The following RAB9A variants were observed in gnomAD, a reference collection of about 807,000 sequenced individuals.
RAB9A encodes ras-related protein Rab-9A.
RAB9A carries 1 observed loss-of-function variant against 10.3 expected under a neutral mutation model. The ratio of observed to expected loss-of-function variants is 0.10; its 90% CI spans 0.03 to 0.46. The LOEUF (loss-of-function observed/expected upper bound fraction) is 0.46. Among genes scored for constraint, RAB9A ranks in the 20% least tolerant of loss-of-function variants. The probability of loss-of-function intolerance (pLI) is 0.96; values close to 1 mark genes in which losing one functional copy is unlikely to be tolerated. For synonymous variants in RAB9A, 39 were observed against 55.2 expected (o/e 0.71, Z 1.30); for missense variants, 92 against 150.3 (o/e 0.61, Z 2.03).
At chrX:13,693,797 T>A (rs769198472) in intron 1 of RAB9A, among the ~76,000 whole-genome samples, 2 of 110,978 alleles carry the variant, frequency 1.8e-5, no homozygotes, top group African/African-American at 6.6e-5. Flanking sequence ...GGAAAAAAAA[T>A]GGAGAAGTGA....
intron 2 of RAB9A, among the ~76,000 whole-genome samples, chrX:13,706,755 T>C (rs1161608837): frequency 9.0e-6 from 1 of 110,850 alleles, no homozygotes; most frequent in Non-Finnish European, 1.9e-5. Flanking sequence ...TGTCCCATCA[T>C]TTTTTAATAG....
At chrX:13,700,891 C>A (rs2046170119) in intron 1 of RAB9A, among the ~76,000 whole-genome samples, 2 of 110,936 alleles carry the variant, frequency 1.8e-5, no homozygotes, top group Non-Finnish European at 1.9e-5. Flanking sequence ...TCTACCTCAG[C>A]CTTCTGAGTA....
At chrX:13,695,330 C>T (rs2046142809) in intron 1 of RAB9A, among the ~76,000 whole-genome samples, 1 of 112,184 alleles carries the variant, frequency 8.9e-6, no homozygotes, top group Non-Finnish European at 1.9e-5. Context: ...TAGACCTTTT[C>T]TGTCACTGGG....
Position 13,705,131 on chromosome X carries a change from A to G in RAB9A, c.-27+1229A>G, listed in dbSNP as rs190871319. Among the ~76,000 whole-genome samples the G allele has an allele frequency of 4.5e-5, 5 of 112,054 alleles. No homozygotes were observed. In the East Asian group the frequency reaches 1.4e-3, roughly 31 times the overall value. The stretch of plus-strand genomic sequence containing the variant: ...GGATTTTACTGTTTTTAAAGAAAAA[A>G]TAATATTTTTAATGTCCATAAGCTG... On this transcript the variant is annotated intron_variant, in intron 2 of 2. Coordinates refer to ENST00000464506, the MANE Select transcript of RAB9A (RefSeq NM_004251.5).
chrX:13,692,570 AATG>A (rs1279837295), intron 1 of RAB9A, among the ~76,000 whole-genome samples: 1 of 112,070 alleles, frequency 8.9e-6, no homozygotes, highest in African/African-American at 3.2e-5. Context: ...TCGAGAAAGA[AATG>A]ATGAATTTTT....
intron 1 of RAB9A, among the ~76,000 whole-genome samples, chrX:13,696,804 G>A (rs1023695238): frequency 8.9e-6 from 1 of 111,915 alleles, no homozygotes; most frequent in South Asian, 3.7e-4. Flanking sequence ...GTAGTGATGG[G>A]CAGAGTGAGG....
At chrX:13,697,626 A>T (rs2046153034) in intron 1 of RAB9A, among the ~76,000 whole-genome samples, 1 of 112,238 alleles carries the variant, frequency 8.9e-6, no homozygotes, top group Non-Finnish European at 1.9e-5. Context: ...ATATTCATAA[A>T]AGTCTCATGG....
intron 1 of RAB9A, among the ~76,000 whole-genome samples, chrX:13,701,590 A>G (rs1434957688): frequency 1.8e-5 from 2 of 111,359 alleles, no homozygotes; most frequent in African/African-American, 6.5e-5. Flanking sequence ...TTTCACTTTT[A>G]TTAGACATAG....
Position 13,701,603 on chromosome X carries a change from G to C in RAB9A, c.-115-2211G>C, listed in dbSNP as rs962686509. Among the ~76,000 whole-genome samples the C allele has an allele frequency of 2.7e-5, 3 of 111,040 alleles. No homozygotes were observed. The East Asian group carries it at 8.5e-4, about 31-fold the overall frequency. On this transcript the variant is annotated intron_variant, in intron 1 of 2. Transcript: ENST00000464506. ...TGTTTCACTTTTATTAGACATAGTAGGCATGTCAATTACAGAATTCCTTAT... is the reference window on the plus strand; with the variant it reads ...TGTTTCACTTTTATTAGACATAGTACGCATGTCAATTACAGAATTCCTTAT...
At chrX:13,693,473 G>C (rs1428727541) in intron 1 of RAB9A, among the ~76,000 whole-genome samples, 1 of 111,873 alleles carries the variant, frequency 8.9e-6, no homozygotes, top group Non-Finnish European at 1.9e-5. Flanking sequence ...GTAGGCAGAG[G>C]GGAGGGAGGT....
In RAB9A at chrX:13,698,458, G is replaced by GGT. The variant is rs901973985; in HGVS notation, c.-115-5355_-115-5354dup. 4.5e-5 allele frequency among the ~76,000 whole-genome samples: 5 copies of GGT among 110,624 alleles called. No individual in the cohort carries two copies. The East Asian group carries it at 1.4e-3, about 31-fold the overall frequency. ...TCCTCTAGCTGCCTCCTGTTCTTGA[G>GGT]GTAATGCTCAGTGATTAACTAGATA... On this transcript the variant is annotated intron_variant, in intron 1 of 2. Transcript: ENST00000464506.
At position 13,704,285 on chromosome X, in the gene RAB9A, T is replaced by A. The variant is rs943443732; in HGVS notation, c.-27+383T>A. On this transcript the variant is annotated intron_variant, in intron 2 of 2. Transcript: ENST00000464506. ...ATATAATTTCATAGCTATCTCTGAATATAAAACTTAGAAAAGAAGATGGGT... is the reference window on the plus strand; with the variant it reads ...ATATAATTTCATAGCTATCTCTGAAAATAAAACTTAGAAAAGAAGATGGGT... Among the ~76,000 whole-genome samples, 15 of 112,255 alleles carry A rather than the reference T, an allele frequency of 1.3e-4. No individual in the cohort carries two copies. The Admixed American group carries it at 1.4e-3, about 11-fold the overall frequency.
chrX:13,701,347 CATA>C (rs773360908), intron 1 of RAB9A, among the ~76,000 whole-genome samples: 1 of 111,130 alleles, frequency 9.0e-6, no homozygotes, highest in African/African-American at 3.3e-5. Context: ...CTTCACTTAG[CATA>C]ATGTTTTTGA....
At chrX:13,708,320 C>CAAAAAAA (rs753443181) in intron 2 of RAB9A, among the ~76,000 whole-genome samples, 1 of 93,171 alleles carries the variant, frequency 1.1e-5, no homozygotes, top group East Asian at 3.4e-4. Flanking sequence ...GATCCTGTCT[C>CAAAAAAA]AAAAAAAAAA....
intron 1 of RAB9A, among the ~76,000 whole-genome samples, chrX:13,691,722 T>C (rs1187557101): frequency 1.8e-5 from 2 of 108,806 alleles, no homozygotes; most frequent in African/African-American, 6.7e-5. Flanking sequence ...ATCTGTTTTT[T>C]GTTGTAAGGC....
intron 1 of RAB9A, among the ~76,000 whole-genome samples, chrX:13,692,421 G>T (rs1055727845): frequency 8.9e-6 from 1 of 112,511 alleles, no homozygotes; most frequent in African/African-American, 3.2e-5. Context: ...CTTGATGTGT[G>T]TGTTATAGTT....
chrX:13,708,705 C>T lies in RAB9A; in HGVS notation c.-26-16C>T. The T allele has an allele frequency of 8.7e-7, 1 of 1,145,191 alleles. No individual in the cohort carries two copies. The highest frequency in any genetic ancestry group is 1.2e-6 in the Non-Finnish European group (1 of 863,909). The allele number at this position is 1,145,191 out of a possible 1,213,427, so 94.4% of individuals were successfully genotyped here. On this transcript the variant is annotated splice_polypyrimidine_tract_variant and intron_variant, in intron 2 of 2. Coordinates refer to ENST00000464506, the MANE Select transcript of RAB9A (RefSeq NM_004251.5). ...GTAGGTATAAAGGAATGTAATGGTG[C>T]CTTTTTATTTTACAGGGTTCTTGAA...
chrX:13,692,388 A>C (rs1438092077), intron 1 of RAB9A, among the ~76,000 whole-genome samples: 2 of 112,188 alleles, frequency 1.8e-5, no homozygotes, highest in Non-Finnish European at 3.8e-5. Flanking sequence ...TACTGTGGGC[A>C]GACTTAAATA....
chrX:13,698,925 G>C (rs761078254), intron 1 of RAB9A, among the ~76,000 whole-genome samples: 79 of 105,650 alleles, frequency 7.5e-4, no homozygotes, highest in Non-Finnish European at 1.1e-3. Context: ...CTCTAAGTAG[G>C]ACATTCAGGG....
Sources: allele counts gnomAD v4.1 joint callset (sites outside exome capture counted in the v4.1 genomes callset), GRCh38; gene constraint gnomAD v4.1.1; transcripts MANE v1.5; gene names NCBI Gene and HGNC (gene_info 2026-07-23, HGNC 2026-07-21).